Variants in KALRN observed in about 807,000 individuals in gnomAD.
KALRN encodes the protein kalirin.
KALRN carries 70 observed loss-of-function variants against 353.7 expected under a neutral mutation model. That is an observed-to-expected ratio of 0.20 (90% CI 0.16 to 0.24). The LOEUF is 0.24. KALRN is among the 10% of genes least tolerant of loss of function. The pLI is 1.00. For synonymous variants in KALRN, 1,391 were observed against 1,434.8 expected, an observed-to-expected ratio of 0.97 and a Z score of 0.69; for missense variants, 2,791 against 3,756.7, an observed-to-expected ratio of 0.74 and a Z score of 6.72.
intron 58 of KALRN, 34 bp downstream of exon 58, chr3:124,713,169 G>T: frequency 6.4e-7 from 1 of 1,562,112 alleles, no homozygotes; most frequent in South Asian, 1.2e-5. Flanking sequence ...AAAGTCGCCT[G>T]CATCCATTTA....
Position 124,645,831 on chromosome 3 carries a change from A to C in KALRN, c.5665-4977A>C, listed in dbSNP as rs558663808. Among the ~76,000 whole-genome samples, 22 of 152,086 alleles carry C rather than the reference A, an allele frequency of 1.4e-4. 1 individual carries two copies. Among genetic ancestry groups the C allele is most frequent in the Admixed American group, 1.4e-3 (22 of 15,264 alleles). ...TGCGTATATACCCAGAAGAGGGATT[A>C]TTGGGTCATATGATAATTCTATTCT... On this transcript the variant is annotated intron_variant, in intron 37 of 59. Transcript: ENST00000682506.
At chr3:124,232,585 G>T (rs1301973361) in intron 2 of KALRN, among the ~76,000 whole-genome samples, 1 of 152,090 alleles carries the variant, frequency 6.6e-6, no homozygotes, top group African/African-American at 2.4e-5. Flanking sequence ...ACCCTTCCCA[G>T]CATAAAGATT....
At chr3:124,576,609 C>G (rs1438317652) in intron 34 of KALRN, among the ~76,000 whole-genome samples, 1 of 152,166 alleles carries the variant, frequency 6.6e-6, no homozygotes, top group Non-Finnish European at 1.5e-5. Context: ...TATCCACATT[C>G]CATTATTGGC....
intron 1 of KALRN, among the ~76,000 whole-genome samples, chr3:124,064,483 ACTTCTCT>A (rs2042201114): frequency 6.6e-6 from 1 of 152,136 alleles, no homozygotes; most frequent in Non-Finnish European, 1.5e-5. Flanking sequence ...TTCTTCTTCC[ACTTCTCT>A]CTTCCTTGTT....
chr3:124,243,696 T>C (rs78000433), intron 3 of KALRN, among the ~76,000 whole-genome samples: 1 of 152,192 alleles, frequency 6.6e-6, no homozygotes, highest in Non-Finnish European at 1.5e-5. Flanking sequence ...CCAGGAAGAA[T>C]GAACCCCAGA....
At chr3:124,634,218 A>G (rs1314262474) in intron 36 of KALRN, among the ~76,000 whole-genome samples, 1 of 152,102 alleles carries the variant, frequency 6.6e-6, no homozygotes, top group Admixed American at 6.5e-5. Context: ...GATAAAGGGT[A>G]ATGGCTCTGT....
At chr3:124,043,499 G>T (rs1163251794) in intron 1 of KALRN, among the ~76,000 whole-genome samples, 1 of 152,128 alleles carries the variant, frequency 6.6e-6, no homozygotes, top group Admixed American at 6.5e-5. Flanking sequence ...GCCAGAGGAG[G>T]ATGCTTCTTT....
intron 13 of KALRN, among the ~76,000 whole-genome samples, chr3:124,410,742 C>T (rs1480894245): frequency 1.3e-5 from 2 of 151,996 alleles, no homozygotes; most frequent in Non-Finnish European, 2.9e-5. Flanking sequence ...TACGTTGCTC[C>T]TGGGTATGTA....
chr3:124,079,019 C>G (rs1010562348), intron 1 of KALRN, among the ~76,000 whole-genome samples: 1 of 152,158 alleles, frequency 6.6e-6, no homozygotes, highest in African/African-American at 2.4e-5. Context: ...GGGGCCTATT[C>G]TGTTTTTGTT....
chr3:124,395,031 TG>T, intron 11 of KALRN, 103 bp from the exon 12 acceptor site: 1 of 788,448 alleles, frequency 1.3e-6, no homozygotes. Flanking sequence ...TGGCACTGAC[TG>T]GTTGAGAGTA....
At chr3:124,261,611 C>G (rs1485500910) in intron 3 of KALRN, among the ~76,000 whole-genome samples, 1 of 152,192 alleles carries the variant, frequency 6.6e-6, no homozygotes, top group Non-Finnish European at 1.5e-5. Context: ...GATTAGTTAA[C>G]AGGGCATAAC....
intron 3 of KALRN, among the ~76,000 whole-genome samples, chr3:124,242,927 G>C (rs1328487368): frequency 6.6e-6 from 1 of 152,172 alleles, no homozygotes; most frequent in African/African-American, 2.4e-5. Flanking sequence ...TATACCAAGA[G>C]ATGTAGGGAG....
At chr3:124,192,612 T>C (rs1469758078) in intron 1 of KALRN, among the ~76,000 whole-genome samples, 1 of 152,204 alleles carries the variant, frequency 6.6e-6, no homozygotes, top group Non-Finnish European at 1.5e-5. Context: ...GTTACATGCC[T>C]GTATCCAAAC....
At position 124,666,616 on chromosome 3, in the gene KALRN, G is replaced by A. The variant is rs1028131001; in HGVS notation, c.6513G>A (p.Met2171Ile). The A allele has an allele frequency of 1.9e-6, 3 of 1,614,038 alleles. No individual in the cohort carries two copies. Among genetic ancestry groups the A allele is most frequent in the Non-Finnish European group, 2.5e-6 (3 of 1,179,936 alleles). ...LRKGSLTPGY[M>I]FKRSIKMNYL... Reference sequence around the variant, plus strand: ...AGGGATCCCTCACCCCTGGCTACATGTTCAAAAGGAGCATCAAGGTGAGGA... The same window carrying A: ...AGGGATCCCTCACCCCTGGCTACATATTCAAAAGGAGCATCAAGGTGAGGA... The change falls in exon 46 of 60, where the codon ATG (methionine) becomes ATA (isoleucine). Residue 2171 changes from methionine (M) to isoleucine (I), a missense_variant. Around this residue, in one of 11 missense-constraint regions of KALRN, gnomAD observed 1,065 missense variants for 1,156.4 expected, o/e 0.92. Transcript: ENST00000682506.
chr3:124,272,887 C>A (rs1200658572), intron 5 of KALRN, among the ~76,000 whole-genome samples: 1 of 152,210 alleles, frequency 6.6e-6, no homozygotes, highest in Non-Finnish European at 1.5e-5. Context: ...GGAATAAGGG[C>A]TGTGAGTGTG....
At chr3:124,279,749 G>A (rs1199865188) in intron 5 of KALRN, among the ~76,000 whole-genome samples, 1 of 152,220 alleles carries the variant, frequency 6.6e-6, no homozygotes, top group Non-Finnish European at 1.5e-5. Context: ...GCAATTGGAA[G>A]ATGAGCTACA....
chr3:124,686,135 C>A (rs1415528809), intron 51 of KALRN, among the ~76,000 whole-genome samples: 1 of 152,186 alleles, frequency 6.6e-6, no homozygotes, highest in Non-Finnish European at 1.5e-5. Context: ...ACACAGCAAA[C>A]TTTAAAACCT....
chr3:124,672,174 C>A (rs1559821765), intron 48 of KALRN, among the ~76,000 whole-genome samples: 1 of 152,188 alleles, frequency 6.6e-6, no homozygotes, highest in African/African-American at 2.4e-5. Flanking sequence ...TCTCAAATTC[C>A]TGGCCTCAGG....
chr3:124,656,764 A>G (rs936011384), intron 39 of KALRN, among the ~76,000 whole-genome samples: 1 of 152,220 alleles, frequency 6.6e-6, no homozygotes, highest in African/African-American at 2.4e-5. Flanking sequence ...TGAATCTTGG[A>G]TAAACAGATT....
Sources: allele counts gnomAD v4.1 joint callset (sites outside exome capture counted in the v4.1 genomes callset), GRCh38; gene constraint gnomAD v4.1.1; regional missense constraint gnomAD v4.1.1; transcripts MANE v1.5; gene names NCBI Gene and HGNC (gene_info 2026-07-23, HGNC 2026-07-21).